The following IGF1R variants were observed in gnomAD, a reference collection of about 807,000 sequenced individuals.
IGF1R encodes the protein insulin-like growth factor 1 receptor.
A neutral mutation model predicts 144.6 loss-of-function variants in IGF1R; 44 were observed. The ratio of observed to expected loss-of-function variants is 0.30; its 90% CI spans 0.24 to 0.39. The LOEUF is 0.39. Ranked by LOEUF, IGF1R falls within the 10% of genes least tolerant of loss-of-function variation. The pLI is 1.00. For synonymous variants in IGF1R, 795 were observed against 722.8 expected, an observed-to-expected ratio of 1.10 and a Z score of -1.60; for missense variants, 1,355 against 1,833.7, an observed-to-expected ratio of 0.74 and a Z score of 4.77.
chr15:98,782,868 A>G (rs1052412823), intron 2 of IGF1R, among the ~76,000 whole-genome samples: 3 of 152,242 alleles, frequency 2.0e-5, no homozygotes, highest in African/African-American at 7.2e-5. Flanking sequence ...CTAAACTGTT[A>G]CAACTGAAAT....
intron 2 of IGF1R, among the ~76,000 whole-genome samples, chr15:98,822,183 C>T (rs905474946): frequency 6.6e-6 from 1 of 152,164 alleles, no homozygotes; most frequent in Non-Finnish European, 1.5e-5. Context: ...CCCAGTGAGT[C>T]TCCTCAAAGC....
chr15:98,903,370 G>A (rs1432678979), intron 5 of IGF1R, among the ~76,000 whole-genome samples: 1 of 152,212 alleles, frequency 6.6e-6, no homozygotes, highest in Non-Finnish European at 1.5e-5. Flanking sequence ...TCGCGGATAG[G>A]CATTTCTATG....
Position 98,962,943 on chromosome 15 carries a change from A to AT in IGF1R, c.*5506dup, listed in dbSNP as rs1396947205. On this transcript the variant is annotated 3_prime_UTR_variant, in exon 21 of 21. Coordinates refer to ENST00000650285, the MANE Select transcript of IGF1R (RefSeq NM_000875.5). ...TTCTGCGAGAACATAACGATCACTC[A>AT]TTTTTATGTCCCACGTGTGTGTGTC... The AT allele has an allele frequency of 8.6e-6, 2 of 233,526 alleles. No individual in the cohort carries two copies. Among genetic ancestry groups the AT allele is most frequent in the Non-Finnish European group, 1.7e-5 (2 of 118,034 alleles). 14.5% of individuals were successfully genotyped at this position (233,526 alleles called of 1,614,324 possible). A position where few individuals can be genotyped will look rare whatever the true frequency, so the allele number is the denominator to read the frequency against.
intron 2 of IGF1R, among the ~76,000 whole-genome samples, chr15:98,827,824 A>G (rs1207762452): frequency 6.6e-6 from 1 of 151,990 alleles, no homozygotes; most frequent in African/African-American, 2.4e-5. Context: ...GTCATGATCC[A>G]CCTGCCTCGG....
chr15:98,929,234 G>A (rs997818801), intron 13 of IGF1R, among the ~76,000 whole-genome samples: 2 of 151,948 alleles, frequency 1.3e-5, no homozygotes, highest in South Asian at 2.1e-4. Flanking sequence ...AGTGTCAAAT[G>A]TATGCATTTT....
In IGF1R at chr15:98,908,741, A is replaced by G. The variant is rs1253649143; in HGVS notation, c.1304A>G (p.Asp435Gly). 1.9e-6 allele frequency: 3 copies of G among 1,614,048 alleles called. No homozygotes were observed. Among genetic ancestry groups the G allele is most frequent in the Non-Finnish European group, 1.7e-6 (2 of 1,180,018 alleles). ...NQNLQQLWDW[D>G]HRNLTIKAGK... ...AACTTGCAGCAACTGTGGGACTGGG[A>G]CCACCGCAACCTGACCATCAAAGCA... Residue 435 changes from aspartate to glycine, a missense_variant, in exon 6 of 21, where the codon GAC (aspartate) becomes GGC (glycine). By Grantham distance (94) the Asp-to-Gly change is moderately conservative (BLOSUM62 -1). This residue lies in a region of IGF1R where 880 missense variants were observed against 1,202.7 expected (regional missense o/e 0.73). Transcript: ENST00000650285.
At chr15:98,913,007 G>C (rs2015088914) in intron 7 of IGF1R, 37 bp from the exon 8 acceptor site, 1 of 1,477,010 alleles carries the variant, frequency 6.8e-7, no homozygotes, top group Admixed American at 1.7e-5. Flanking sequence ...TTTGATGTCA[G>C]AGCCCCGAAC....
chr15:98,717,588 G>A (rs928541034), intron 2 of IGF1R, among the ~76,000 whole-genome samples: 23 of 152,150 alleles, frequency 1.5e-4, no homozygotes, highest in African/African-American at 5.3e-4. Context: ...AACATTCAGC[G>A]AGGTACATAT....
Position 98,960,484 on chromosome 15 carries a change from A to T in IGF1R, c.*3042A>T, listed in dbSNP as rs1183560574. 4.3e-6 allele frequency: 1 copy of T among 233,162 alleles called. No individual in the cohort carries two copies. The highest frequency in any genetic ancestry group is 8.5e-6 in the Non-Finnish European group (1 of 118,044). 14.4% of individuals were successfully genotyped at this position (233,162 alleles called of 1,614,324 possible). A position where few individuals can be genotyped will look rare whatever the true frequency, so the allele number is the denominator to read the frequency against. On this transcript the variant is annotated 3_prime_UTR_variant, in exon 21 of 21. Coordinates refer to ENST00000650285, the MANE Select transcript of IGF1R (RefSeq NM_000875.5). ...GAATGACCAACACATTTCGTCCTTA[A>T]GAGAGCAGTGGTTCCTCAGGTTCTG...
chr15:98,853,232 G>T (rs1158599186), intron 2 of IGF1R, among the ~76,000 whole-genome samples: 1 of 152,174 alleles, frequency 6.6e-6, no homozygotes, highest in East Asian at 1.9e-4. Context: ...GGGCAGTATT[G>T]TGTTGAACCA....
chr15:98,921,566 G>C (rs1420894586), intron 10 of IGF1R, among the ~76,000 whole-genome samples: 1 of 152,098 alleles, frequency 6.6e-6, no homozygotes, highest in East Asian at 1.9e-4. Flanking sequence ...GGGGTTGGGG[G>C]TGGGCTCGCA....
At chr15:98,837,763 A>C (rs970184881) in intron 2 of IGF1R, among the ~76,000 whole-genome samples, 2 of 152,294 alleles carry the variant, frequency 1.3e-5, no homozygotes, top group East Asian at 3.9e-4. Flanking sequence ...GAATTTTTAC[A>C]TAGGAAAGAC....
intron 2 of IGF1R, among the ~76,000 whole-genome samples, chr15:98,820,683 A>T (rs1424358825): frequency 6.6e-6 from 1 of 152,258 alleles, no homozygotes; most frequent in African/African-American, 2.4e-5. Flanking sequence ...CAGATCTTTT[A>T]CAACTGTAAG....
chr15:98,734,386 A>G (rs1327205021), intron 2 of IGF1R, among the ~76,000 whole-genome samples: 1 of 152,108 alleles, frequency 6.6e-6, no homozygotes, highest in Non-Finnish European at 1.5e-5. Context: ...AATATTTCTC[A>G]TGCCTATTTT....
In IGF1R at chr15:98,943,050, C is replaced by T; in HGVS notation, c.3585C>T (p.Val1195=). The change falls in exon 19 of 21, where the codon GTC becomes GTT. Residue 1195 remains valine, a splice_region_variant and synonymous_variant. Transcript: ENST00000650285. ...KDGVFTTYSD[V]WSFGVVLWEI... ...GAGTCTTCACCACTTACTCGGACGT[C>T]TGGTATGAGAACCTTTACTGCATTG... The T allele has an allele frequency of 1.2e-6, 2 of 1,614,232 alleles. No homozygotes were observed. Among genetic ancestry groups the T allele is most frequent in the Non-Finnish European group, 1.7e-6 (2 of 1,180,038 alleles).
intron 2 of IGF1R, among the ~76,000 whole-genome samples, chr15:98,886,764 A>G (rs1456781914): frequency 2.6e-5 from 4 of 152,102 alleles, no homozygotes; most frequent in Admixed American, 6.5e-5. Context: ...GAACACTAAT[A>G]ATATTTATAT....
chr15:98,748,458 A>T (rs2141328567), intron 2 of IGF1R, among the ~76,000 whole-genome samples: 1 of 152,368 alleles, frequency 6.6e-6, no homozygotes, highest in Non-Finnish European at 1.5e-5. Flanking sequence ...TACAGGCGTG[A>T]GCCACCACAT....
At chr15:98,881,117 T>C (rs2013349831) in intron 2 of IGF1R, among the ~76,000 whole-genome samples, 1 of 152,208 alleles carries the variant, frequency 6.6e-6, no homozygotes, top group South Asian at 2.1e-4. Flanking sequence ...ACGTGTTATC[T>C]CCTTAGCATC....
At chr15:98,888,206 G>T (rs1596399036) in intron 2 of IGF1R, among the ~76,000 whole-genome samples, 1 of 152,338 alleles carries the variant, frequency 6.6e-6, no homozygotes, top group Non-Finnish European at 1.5e-5. Context: ...GATTGTCGCT[G>T]ATCCTGCGTG....
Sources: gnomAD v4.1 joint callset for allele counts (sites outside exome capture counted in the v4.1 genomes callset) on GRCh38, gnomAD v4.1.1 for gene constraint, gnomAD v4.1.1 regional missense constraint, MANE v1.5 for transcripts, NCBI Gene and HGNC (gene_info 2026-07-23, HGNC 2026-07-21) for gene names.